Variants in NRP2 observed in about 807,000 individuals in gnomAD.
The protein encoded by NRP2 is neuropilin-2.
Under a neutral mutation model 110.4 loss-of-function variants are expected in NRP2, and 52 were observed. The observed-to-expected ratio is 0.47, with a 90% confidence interval of 0.38 to 0.59. The LOEUF is 0.59. Among genes scored for constraint, NRP2 ranks in the 20% least tolerant of loss-of-function variants. NRP2 has a pLI of 0.00. For missense variants in NRP2, 1,049 were observed against 1,203.0 expected (o/e 0.87, Z 1.89); for synonymous variants, 508 against 468.9 (o/e 1.08, Z -1.08).
At chr2:205,700,621 C>A in intron 2 of NRP2, 1 of 478,220 alleles carries the variant, frequency 2.1e-6, no homozygotes, top group Non-Finnish European at 4.2e-6. Flanking sequence ...TTGAACTCTA[C>A]ATCCCAAAGG....
chr2:205,730,606 C>T (rs1474294164), intron 7 of NRP2, among the ~76,000 whole-genome samples: 2 of 152,124 alleles, frequency 1.3e-5, no homozygotes, highest in Non-Finnish European at 1.5e-5. Context: ...TTGCAAATGC[C>T]TTCCCGGTGT....
intron 15 of NRP2, chr2:205,777,641 CAT>C (rs1213498201): frequency 2.0e-5 from 3 of 152,186 alleles, no homozygotes; most frequent in Admixed American, 1.3e-4. Flanking sequence ...GGTTAAAAAA[CAT>C]ATACTTTGGT....
intron 13 of NRP2, chr2:205,764,247 A>G (rs556250289): frequency 2.5e-6 from 1 of 394,418 alleles, no homozygotes; most frequent in Non-Finnish European, 4.7e-6. Flanking sequence ...AGAAATAAAC[A>G]CAAACAAACC....
chr2:205,795,039 A>C lies in NRP2; in HGVS notation c.2762A>C (p.Lys921Thr). 1 of 1,614,086 alleles carries C rather than the reference A, an allele frequency of 6.2e-7. No homozygotes were observed. The highest frequency in any genetic ancestry group is 8.5e-7 in the Non-Finnish European group (1 of 1,179,994). The change falls in exon 17 of 17, where the codon AAG becomes ACG. Residue 921 changes from lysine (K) to threonine (T), a missense_variant. By Grantham distance (78) the Lys-to-Thr change is moderately conservative (BLOSUM62 -1). Transcript: ENST00000357785. ...LKHKVKMNHQ[K>T]CCSEA ...CACAAGGTCAAGATGAACCACCAAA[A>C]GTGCTGCTCCGAGGCATGACGGATT...
chr2:205,689,519 A>G (rs2056258138), intron 1 of NRP2, among the ~76,000 whole-genome samples: 1 of 152,158 alleles, frequency 6.6e-6, no homozygotes, highest in African/African-American at 2.4e-5. Context: ...TGGTAAGTTG[A>G]TTTTTATGAG....
At chr2:205,754,936 AT>A (rs1169159630) in intron 12 of NRP2, among the ~76,000 whole-genome samples, 7 of 152,210 alleles carry the variant, frequency 4.6e-5, no homozygotes, top group African/African-American at 1.7e-4. Context: ...GTTCATTCTA[AT>A]GATTCTGGCC....
At chr2:205,769,501 T>TACACACACACAC (rs1487457755) in intron 15 of NRP2, among the ~76,000 whole-genome samples, 5 of 54,106 alleles carry the variant, frequency 9.2e-5, no homozygotes, top group Non-Finnish European at 1.9e-4. Flanking sequence ...TGTATATACA[T>TACACACACACAC]ACATACACAC....
At chr2:205,756,742 A>G (rs1246322579) in intron 12 of NRP2, 1 of 152,216 alleles carries the variant, frequency 6.6e-6, no homozygotes, top group Non-Finnish European at 1.5e-5. Context: ...TGAACCAAGA[A>G]GCAAGTAATG....
At chr2:205,789,505 T>C (rs2058273814) in intron 15 of NRP2, among the ~76,000 whole-genome samples, 1 of 152,222 alleles carries the variant, frequency 6.6e-6, no homozygotes, top group Admixed American at 6.5e-5. Context: ...AACAAAATTC[T>C]GAGTCCCTGG....
intron 12 of NRP2, among the ~76,000 whole-genome samples, chr2:205,760,194 T>A (rs2057799172): frequency 6.6e-6 from 1 of 152,150 alleles, no homozygotes; most frequent in Admixed American, 6.5e-5. Flanking sequence ...GTGTTCAATG[T>A]GTTCATTCCT....
chr2:205,794,652 C>A, intron 16 of NRP2, 102 bp from the exon 17 acceptor site: 1 of 1,195,984 alleles, frequency 8.4e-7, no homozygotes, highest in Non-Finnish European at 1.2e-6. Context: ...GCTGCTGCTG[C>A]TAACTACTGT....
At chr2:205,749,954 A>T in intron 11 of NRP2, 113 bp downstream of exon 11, 1 of 851,718 alleles carries the variant, frequency 1.2e-6, no homozygotes, top group Non-Finnish European at 2.0e-6. Flanking sequence ...AGGGGATCTC[A>T]AAGAAGTGGT....
chr2:205,792,302 T>G lies in NRP2; in HGVS notation c.2476+17T>G. 1 of 1,592,772 alleles carries G rather than the reference T, an allele frequency of 6.3e-7. No homozygotes were observed. The highest frequency in any genetic ancestry group is 8.6e-7 in the Non-Finnish European group (1 of 1,160,586). ...AAATTGATGGTGAGTACTGTTATGA[T>G]TTAGCAGGTAATCGTAAAATTCAAG... On this transcript the variant is annotated intron_variant, in intron 16 of 16. Coordinates refer to ENST00000357785, the MANE Select transcript of NRP2 (RefSeq NM_003872.3).
intron 12 of NRP2, among the ~76,000 whole-genome samples, chr2:205,758,798 T>C (rs971886116): frequency 6.6e-6 from 1 of 152,176 alleles, no homozygotes; most frequent in Non-Finnish European, 1.5e-5. Context: ...GCCGGCATCA[T>C]AGCCATCAGC....
At chr2:205,766,831 T>G in intron 15 of NRP2, 28 bp downstream of exon 15, 2 of 1,605,278 alleles carry the variant, frequency 1.2e-6, no homozygotes, top group East Asian at 4.5e-5. Flanking sequence ...AAAAAAAAAT[T>G]TTTTTTTTGC....
intron 10 of NRP2, 54 bp downstream of exon 10, chr2:205,745,944 G>A: frequency 6.2e-7 from 1 of 1,606,860 alleles, no homozygotes; most frequent in South Asian, 1.1e-5. Flanking sequence ...CTCTGACCCT[G>A]GCATCCCACG....
chr2:205,722,112 A>G (rs2057025292), intron 3 of NRP2, among the ~76,000 whole-genome samples: 1 of 151,936 alleles, frequency 6.6e-6, no homozygotes, highest in Non-Finnish European at 1.5e-5. Context: ...AGTAATTGAG[A>G]AAGAAGACTC....
chr2:205,699,264 G>T lies in NRP2; in HGVS notation c.251+1543G>T, dbSNP rs372788715. 7.9e-5 allele frequency among the ~76,000 whole-genome samples: 12 copies of T among 152,308 alleles called. No homozygotes were observed. In the East Asian group the frequency reaches 2.1e-3, roughly 27 times the overall value. ...TTCCCTGACAGTGAACTTTATCAAA[G>T]ATTTCTGTTAGAAGAGCTTCTTTAT... On this transcript the variant is annotated intron_variant, in intron 2 of 16. Coordinates refer to ENST00000357785, the MANE Select transcript of NRP2 (RefSeq NM_003872.3).
rs1400536617 is a variant in NRP2, at chr2:205,763,848, G to A, written c.2219G>A (p.Ser740Asn). Reference protein sequence around the residue: ...LQVVREASQESKLLWVIREDQ... With the variant: ...LQVVREASQENKLLWVIREDQ... ...GTGGTGCGGGAAGCCAGCCAGGAGA[G>A]CAAGTTGCTGTGGGTCATCCGTGAG... The change falls in exon 13 of 17, where the codon AGC becomes AAC. Residue 740 changes from serine (S) to asparagine (N), a missense_variant. Coordinates refer to ENST00000357785, the MANE Select transcript of NRP2 (RefSeq NM_003872.3). This position sits in a 1 kb window ranked among gnomAD's most constrained non-coding sequence, Gnocchi z 4.0. 6.2e-7 allele frequency: 1 copy of A among 1,614,062 alleles called. No homozygotes were observed. Among genetic ancestry groups the A allele is most frequent in the Non-Finnish European group, 8.5e-7 (1 of 1,180,036 alleles).
Sources: allele counts gnomAD v4.1 joint callset (sites outside exome capture counted in the v4.1 genomes callset), GRCh38; gene constraint gnomAD v4.1.1; non-coding constraint Gnocchi (gnomAD v3.1); transcripts MANE v1.5; gene names NCBI Gene and HGNC (gene_info 2026-07-23, HGNC 2026-07-21).